Variants in AHNAK observed in about 807,000 individuals in gnomAD.
The protein encoded by AHNAK is AHNAK nucleoprotein, also known as neuroblast differentiation-associated protein AHNAK.
AHNAK carries 23 observed loss-of-function variants against 37.8 expected under a neutral mutation model. That is an observed-to-expected ratio of 0.61 (90% CI 0.44 to 0.86). AHNAK has a LOEUF of 0.86. Ranked by LOEUF, AHNAK falls within the 40% of genes least tolerant of loss-of-function variation. The pLI, the probability that AHNAK is intolerant of heterozygous loss-of-function variation, is 0.00. For synonymous variants in AHNAK, 2,481 were observed against 2,636.3 expected (o/e 0.94, Z 1.80); for missense variants, 7,411 against 7,319.4 (o/e 1.01, Z -0.46).
At chr11:62,455,821 C>A (rs948886528) in intron 5 of AHNAK, among the ~76,000 whole-genome samples, 2 of 151,408 alleles carry the variant, frequency 1.3e-5, no homozygotes, top group Admixed American at 1.3e-4. Flanking sequence ...GCCAAGATCG[C>A]ACCATTGCAC....
chr11:62,534,672 G>A (rs1262492331), intron 4 of AHNAK, among the ~76,000 whole-genome samples: 4 of 152,310 alleles, frequency 2.6e-5, no homozygotes, highest in African/African-American at 9.6e-5. Flanking sequence ...TCTGTGAGGT[G>A]GAGCTGGGCA....
In AHNAK at chr11:62,516,244, C is replaced by T; in HGVS notation, c.*500G>A. 7.8e-7 allele frequency: 1 copy of T among 1,289,250 alleles called. No homozygotes were observed. The highest frequency in any genetic ancestry group is 1.0e-6 in the Non-Finnish European group (1 of 988,718). The allele number at this position is 1,289,250 out of a possible 1,614,324, so 79.9% of individuals were successfully genotyped here. ...ACCCACACACCCTGACTACCACCAC[C>T]TCTGGGCCATCTGTGGGCGTTTGCT... On this transcript the variant is annotated 3_prime_UTR_variant, in exon 5 of 5. Coordinates refer to ENST00000378024, the MANE Select transcript of AHNAK (RefSeq NM_001620.3).
chr11:62,455,601 AG>A (rs1311412793), intron 5 of AHNAK, among the ~76,000 whole-genome samples: 2 of 152,104 alleles, frequency 1.3e-5, no homozygotes, highest in African/African-American at 2.4e-5. Context: ...GCTACTCAGG[AG>A]GCTGAGGCAG....
At chr11:62,455,722 G>A (rs1176780001) in intron 5 of AHNAK, among the ~76,000 whole-genome samples, 2 of 150,856 alleles carry the variant, frequency 1.3e-5, no homozygotes, top group Non-Finnish European at 3.0e-5. Flanking sequence ...AAAATTAGCT[G>A]GGCATGGTGG....
chr11:62,445,058 G>A (rs143211273), intron 5 of AHNAK, among the ~76,000 whole-genome samples: 111 of 152,262 alleles, frequency 7.3e-4, no homozygotes, highest in Non-Finnish European at 1.4e-3. Flanking sequence ...AATAAAGAGG[G>A]TGACCTAAAA....
chr11:62,491,899 GC>G, intron 4 of AHNAK: 1 of 1,399,408 alleles, frequency 7.1e-7, no homozygotes, highest in Non-Finnish European at 9.9e-7. Context: ...CTTTTCAAAT[GC>G]CTACTATGGG....
Position 62,526,351 on chromosome 11 carries a change from T to C in AHNAK, c.8066A>G (p.Lys2689Arg), listed in dbSNP as rs772120235. The C allele has an allele frequency of 2.5e-6, 4 of 1,611,800 alleles. No individual in the cohort carries two copies. The highest frequency in any genetic ancestry group is 3.4e-6 in the Non-Finnish European group (4 of 1,179,460). ...CATCTTGAACTTAGGCCCTTTCAACTTTCCCTCTGGTCCTTCAATGTTAAC... is the reference window on the plus strand; with the variant it reads ...CATCTTGAACTTAGGCCCTTTCAACCTTCCCTCTGGTCCTTCAATGTTAAC... The part of the protein sequence containing the change: ...PDVNIEGPEG[K>R]LKGPKFKMPE... Residue 2689 changes from lysine to arginine, a missense_variant, in exon 5 of 5, where the codon AAG becomes AGG. Lys to Arg is a conservative substitution (Grantham distance 26). Transcript: ENST00000378024.
rs772670140 is a variant in AHNAK at position 62,526,649 on chromosome 11, C to T, written c.7768G>A (p.Gly2590Ser). 5 of 1,613,102 alleles carry T rather than the reference C, an allele frequency of 3.1e-6. No homozygotes were observed. The highest frequency in any genetic ancestry group is 1.3e-5 in the African/African-American group (1 of 74,604). The change falls in exon 5 of 5, where the codon GGT becomes AGT. Residue 2590 changes from glycine (G) to serine (S), a missense_variant. Gly to Ser is a moderately conservative substitution (Grantham distance 56). Coordinates refer to ENST00000378024, the MANE Select transcript of AHNAK (RefSeq NM_001620.3). ...TCCACATCGCCCTTCACCTTGGGAC[C>T]TTTCAGATGCAAATCAAAGTCAGGC... ...SMPDFDLHLK[G>S]PKVKGDVDVS...
At chr11:62,449,269 G>A (rs2134798213) in intron 5 of AHNAK, among the ~76,000 whole-genome samples, 1 of 152,292 alleles carries the variant, frequency 6.6e-6, no homozygotes, top group African/African-American at 2.4e-5. Flanking sequence ...CCTGGCTGGG[G>A]CCCTTCCAGC....
At chr11:62,491,262 A>G (rs556488866) in intron 5 of AHNAK, among the ~76,000 whole-genome samples, 1 of 151,954 alleles carries the variant, frequency 6.6e-6, no homozygotes, top group Non-Finnish European at 1.5e-5. Context: ...CTCACCCTCC[A>G]TGTGGGCATC....
In AHNAK at chr11:62,529,316, C is replaced by T. The variant is rs781694111; in HGVS notation, c.5101G>A (p.Val1701Met). 26 of 1,614,032 alleles carry T rather than the reference C, an allele frequency of 1.6e-5. No homozygotes were observed. Among genetic ancestry groups the T allele is most frequent in the Non-Finnish European group, 2.1e-5 (25 of 1,180,046 alleles). ...TGCCAATCTGGGTCGTGAACCTCCA[C>T]ATCTGGGGCATCAATGTCCACTTTG... The part of the protein sequence containing the change: ...GPKVDIDAPD[V>M]EVHDPDWHLK... The change falls in exon 5 of 5, where the codon GTG (valine) becomes ATG (methionine). Residue 1701 changes from valine to methionine, a missense_variant. By Grantham distance (21) the Val-to-Met change is conservative (BLOSUM62 1). Transcript: ENST00000378024.
chr11:62,530,623 G>A lies in AHNAK; in HGVS notation c.3794C>T (p.Pro1265Leu), dbSNP rs1565242318. 4 of 1,613,374 alleles carry A rather than the reference G, an allele frequency of 2.5e-6. No homozygotes were observed. The highest frequency in any genetic ancestry group is 3.4e-6 in the Non-Finnish European group (4 of 1,179,912). The change falls in exon 5 of 5, where the codon CCT becomes CTT. Residue 1265 changes from proline (P) to leucine (L), a missense_variant. Coordinates refer to ENST00000378024, the MANE Select transcript of AHNAK (RefSeq NM_001620.3). ...TTCTCGGCCCTCTCCTTTGAAGCCA[G>A]GCATGCTAAACTTGGGCATTTTCAT... ...PKMKMPKFSM[P>L]GFKGEGREVD...
rs766023763 is a variant in AHNAK at position 62,516,727 on chromosome 11, A to G, written c.*17T>C. Reference sequence around the variant, plus strand: ...TTTTGTTATATATATATATATGTACACACATACAAAGGCCTGCTACTCTTT... The same window carrying G: ...TTTTGTTATATATATATATATGTACGCACATACAAAGGCCTGCTACTCTTT... On this transcript the variant is annotated 3_prime_UTR_variant, in exon 5 of 5. Coordinates refer to ENST00000378024, the MANE Select transcript of AHNAK (RefSeq NM_001620.3). 2 of 1,588,920 alleles carry G rather than the reference A, an allele frequency of 1.3e-6. No individual in the cohort carries two copies. The highest frequency in any genetic ancestry group is 2.2e-5 in the East Asian group (1 of 44,812).
chr11:62,516,280 A>T lies in AHNAK; in HGVS notation c.*464T>A. On this transcript the variant is annotated 3_prime_UTR_variant, in exon 5 of 5. Coordinates refer to ENST00000378024, the MANE Select transcript of AHNAK (RefSeq NM_001620.3). ...CTGTGGGCGTTTGCTGTTTGAACAG[A>T]TCCAGTCTCAGGAAAGAGGAAGACC... 1 of 1,289,284 alleles carries T rather than the reference A, an allele frequency of 7.8e-7. No homozygotes were observed. The highest frequency in any genetic ancestry group is 1.0e-6 in the Non-Finnish European group (1 of 988,784). 79.9% of individuals were successfully genotyped at this position (1,289,284 alleles called of 1,614,324 possible).
intron 4 of AHNAK, among the ~76,000 whole-genome samples, chr11:62,499,320 G>A (rs1015572919): frequency 1.4e-4 from 21 of 152,276 alleles, no homozygotes; most frequent in African/African-American, 4.3e-4. Flanking sequence ...AGGCCGAGGC[G>A]GGTGGATCAC....
At chr11:62,502,593 G>A (rs760213429) in intron 4 of AHNAK, among the ~76,000 whole-genome samples, 5 of 152,170 alleles carry the variant, frequency 3.3e-5, no homozygotes, top group African/African-American at 4.8e-5. Context: ...CACTCACAGA[G>A]CTGACAGTCC....
intron 4 of AHNAK, among the ~76,000 whole-genome samples, chr11:62,493,342 T>C (rs559348318): frequency 0.063 from 9,406 of 148,794 alleles, 542 homozygotes; most frequent in African/African-American, 0.14. Context: ...CTTTTTTTTT[T>C]TTTTTTTTGA....
chr11:62,532,837 C>A lies in AHNAK; in HGVS notation c.1580G>T (p.Gly527Val), dbSNP rs1057442053. Reference sequence around the variant, plus strand: ...TGCCACTTGAGGGCCTTTAACATCACCTTGCACCCCAGGAGCAGAAACCTT... The same window carrying A: ...TGCCACTTGAGGGCCTTTAACATCAACTTGCACCCCAGGAGCAGAAACCTT... The part of the protein sequence containing the change: ...DIKVSAPGVQ[G>V]DVKGPQVALK... The change falls in exon 5 of 5, where the codon GGT becomes GTT. Residue 527 changes from glycine (G) to valine (V), a missense_variant. Coordinates refer to ENST00000378024, the MANE Select transcript of AHNAK (RefSeq NM_001620.3). The A allele has an allele frequency of 6.2e-7, 1 of 1,613,938 alleles. No individual in the cohort carries two copies. The highest frequency in any genetic ancestry group is 8.5e-7 in the Non-Finnish European group (1 of 1,179,958).
Position 62,527,495 on chromosome 11 carries a change from T to G in AHNAK, c.6922A>C (p.Lys2308Gln). Residue 2308 changes from lysine to glutamine, a missense_variant, in exon 5 of 5, where the codon AAG becomes CAG. Physicochemically the swap from Lys to Gln is moderately conservative, Grantham distance 53. Transcript: ENST00000378024. ...TCAGGCATGGAGATCTTGGGGGTCT[T>G]GAAGTGCATCTCAGGCATCTTAAAC... ...PKFKMPEMHFKTPKISMPDVD... is the reference protein window; with the variant it reads ...PKFKMPEMHFQTPKISMPDVD... 2 of 1,614,048 alleles carry G rather than the reference T, an allele frequency of 1.2e-6. No homozygotes were observed. The highest frequency in any genetic ancestry group is 1.7e-6 in the Non-Finnish European group (2 of 1,179,998).
Sources: gnomAD v4.1 joint callset for allele counts (sites outside exome capture counted in the v4.1 genomes callset) on GRCh38, gnomAD v4.1.1 for gene constraint, MANE v1.5 for transcripts, NCBI Gene and HGNC (gene_info 2026-07-23, HGNC 2026-07-21) for gene names.